Variants in SND1 observed in about 807,000 individuals in gnomAD.
The protein encoded by SND1 is staphylococcal nuclease domain-containing protein 1.
In SND1, 38 loss-of-function variants were observed where a neutral mutation model predicts 121.7. The ratio of observed to expected loss-of-function variants is 0.31; its 90% CI spans 0.24 to 0.41. The LOEUF is 0.41. Among genes scored for constraint, SND1 ranks in the 10% least tolerant of loss-of-function variants. The probability of loss-of-function intolerance (pLI) is 1.00; values close to 1 mark genes in which losing one functional copy is unlikely to be tolerated. For missense variants in SND1, 868 were observed against 1,184.6 expected (o/e 0.73, Z 3.92); for synonymous variants, 401 against 447.4 (o/e 0.90, Z 1.31).
intron 10 of SND1, among the ~76,000 whole-genome samples, chr7:127,743,767 TA>T (rs1435190177): frequency 6.6e-6 from 1 of 152,184 alleles, no homozygotes; most frequent in African/African-American, 2.4e-5. Context: ...GTTTTTGGCT[TA>T]AACTATGTAC....
chr7:127,840,352 G>C lies in SND1; in HGVS notation c.1243-3972G>C, dbSNP rs551558911. On this transcript the variant is annotated intron_variant, in intron 11 of 23. Transcript: ENST00000354725. ...TGTTACGTGCCTCATTTGTAAGGGAGCTTCAAGTAGCACCAAGCAAGAGCC... is the reference window on the plus strand; with the variant it reads ...TGTTACGTGCCTCATTTGTAAGGGACCTTCAAGTAGCACCAAGCAAGAGCC... 8.5e-5 allele frequency among the ~76,000 whole-genome samples: 13 copies of C among 152,276 alleles called. No homozygotes were observed. The South Asian group carries it at 2.5e-3, about 29-fold the overall frequency.
intron 1 of SND1, among the ~76,000 whole-genome samples, chr7:127,682,761 G>C (rs1294910322): frequency 1.3e-5 from 2 of 152,192 alleles, no homozygotes; most frequent in Non-Finnish European, 2.9e-5. Flanking sequence ...TAGAATGTCA[G>C]CTCCCCAAGA....
chr7:127,896,307 G>A (rs1370418002), intron 13 of SND1, among the ~76,000 whole-genome samples: 2 of 152,016 alleles, frequency 1.3e-5, no homozygotes, highest in Non-Finnish European at 2.9e-5. Context: ...TTGATATGTT[G>A]GGAGGTTCTT....
At chr7:127,955,944 GAGC>G (rs1801582487) in intron 15 of SND1, among the ~76,000 whole-genome samples, 1 of 152,152 alleles carries the variant, frequency 6.6e-6, no homozygotes, top group Non-Finnish European at 1.5e-5. Flanking sequence ...CGCTCTTCCT[GAGC>G]AGGAGCACTT....
chr7:127,957,521 G>GT (rs1392498799), intron 15 of SND1, among the ~76,000 whole-genome samples: 1 of 152,166 alleles, frequency 6.6e-6, no homozygotes, highest in African/African-American at 2.4e-5. Context: ...TTGGAAGGCT[G>GT]TTGTTTCTAT....
At chr7:127,687,365 C>T (rs902803116) in intron 2 of SND1, among the ~76,000 whole-genome samples, 4 of 152,068 alleles carry the variant, frequency 2.6e-5, no homozygotes, top group Non-Finnish European at 4.4e-5. Context: ...GTTTGTTACA[C>T]GGGTATATTG....
intron 20 of SND1, among the ~76,000 whole-genome samples, chr7:128,086,239 C>A (rs957882757): frequency 1.3e-5 from 2 of 152,256 alleles, no homozygotes; most frequent in African/African-American, 4.8e-5. Flanking sequence ...AGAAAAATTT[C>A]TCCGGCTGGG....
chr7:127,921,610 T>C (rs1179832058), intron 14 of SND1, among the ~76,000 whole-genome samples: 2 of 152,202 alleles, frequency 1.3e-5, no homozygotes, highest in African/African-American at 4.8e-5. Flanking sequence ...AATGTTCTCA[T>C]TTTTAGCATA....
chr7:127,924,500 G>C (rs1196446376), intron 14 of SND1, among the ~76,000 whole-genome samples: 1 of 152,124 alleles, frequency 6.6e-6, no homozygotes. Context: ...ACTATTTGGG[G>C]ACTTTCATTG....
intron 10 of SND1, among the ~76,000 whole-genome samples, chr7:127,727,006 C>T (rs1036744815): frequency 6.6e-6 from 1 of 152,134 alleles, no homozygotes; most frequent in African/African-American, 2.4e-5. Flanking sequence ...GGAGTCTTTC[C>T]CTCAGCTGGT....
intron 10 of SND1, among the ~76,000 whole-genome samples, chr7:127,747,515 G>A (rs1237654726): frequency 2.6e-5 from 4 of 152,224 alleles, no homozygotes; most frequent in African/African-American, 9.6e-5. Context: ...TCTAGCTACA[G>A]TCTTGAAGGA....
intron 8 of SND1, among the ~76,000 whole-genome samples, chr7:127,706,250 C>CCG: frequency 1.6e-5 from 1 of 62,914 alleles, no homozygotes; most frequent in East Asian, 5.9e-4. Context: ...TCTTGCCCCC[C>CCG]CTCCCCCCCC....
chr7:127,743,147 T>G (rs1024742681), intron 10 of SND1, among the ~76,000 whole-genome samples: 3 of 152,176 alleles, frequency 2.0e-5, no homozygotes, highest in African/African-American at 7.2e-5. Flanking sequence ...CAAACAAACT[T>G]AACTTTTTTG....
intron 9 of SND1, among the ~76,000 whole-genome samples, chr7:127,708,399 C>G (rs895316992): frequency 2.5e-5 from 2 of 81,294 alleles, no homozygotes; most frequent in Non-Finnish European, 5.1e-5. Flanking sequence ...TCTTCCCTTC[C>G]TCCCTTCCTC....
chr7:127,795,950 C>A (rs1413706780), intron 10 of SND1, among the ~76,000 whole-genome samples: 2 of 151,934 alleles, frequency 1.3e-5, no homozygotes, highest in Non-Finnish European at 2.9e-5. Context: ...CTCCGCCTCC[C>A]GGGTTCACGC....
At chr7:128,054,990 T>C (rs1793111124) in intron 16 of SND1, among the ~76,000 whole-genome samples, 2 of 152,260 alleles carry the variant, frequency 1.3e-5, no homozygotes, top group South Asian at 4.1e-4. Flanking sequence ...AGAGTTATTC[T>C]AATAGGATGG....
chr7:127,883,581 T>C (rs1799837485), intron 12 of SND1, among the ~76,000 whole-genome samples: 1 of 152,150 alleles, frequency 6.6e-6, no homozygotes, highest in Non-Finnish European at 1.5e-5. Flanking sequence ...ATCTTGCATT[T>C]TCTATGAGGC....
chr7:127,907,094 G>A (rs1298530155), intron 14 of SND1, among the ~76,000 whole-genome samples: 2 of 152,274 alleles, frequency 1.3e-5, no homozygotes, highest in African/African-American at 4.8e-5. Context: ...TTGAGCAAGT[G>A]GGAGACTGAA....
chr7:127,839,631 C>A (rs1798927916), intron 11 of SND1, among the ~76,000 whole-genome samples: 1 of 152,128 alleles, frequency 6.6e-6, no homozygotes, highest in Non-Finnish European at 1.5e-5. Context: ...CCAGACTTTA[C>A]AAGCAATTAA....
Sources: gnomAD v4.1 joint callset for allele counts (sites outside exome capture counted in the v4.1 genomes callset) on GRCh38, gnomAD v4.1.1 for gene constraint, MANE v1.5 for transcripts, NCBI Gene and HGNC (gene_info 2026-07-23, HGNC 2026-07-21) for gene names.